Variants in PAPPA observed in about 807,000 individuals in gnomAD.
The protein encoded by PAPPA is pappalysin-1.
PAPPA carries 60 observed loss-of-function variants against 164.0 expected under a neutral mutation model. The observed-to-expected ratio is 0.37, with a 90% confidence interval of 0.30 to 0.45. The LOEUF is 0.45. PAPPA is among the 20% of genes least tolerant of loss of function. The probability of loss-of-function intolerance (pLI) is 1.00; values close to 1 mark genes in which losing one functional copy is unlikely to be tolerated. For missense variants in PAPPA, 1,782 were observed against 2,087.3 expected (o/e 0.85, Z 2.85); for synonymous variants, 875 against 814.1 (o/e 1.07, Z -1.27).
chr9:116,276,978 G>A (rs1202471563), intron 9 of PAPPA, among the ~76,000 whole-genome samples: 2 of 152,092 alleles, frequency 1.3e-5, no homozygotes, highest in Non-Finnish European at 2.9e-5. Context: ...GCCAAGGCGA[G>A]AAAGGAAAAC....
At chr9:116,251,169 C>T (rs1046954529) in intron 7 of PAPPA, among the ~76,000 whole-genome samples, 8 of 152,246 alleles carry the variant, frequency 5.3e-5, no homozygotes, top group Admixed American at 1.3e-4. Context: ...CAGAAGACTT[C>T]GTGGACATCA....
chr9:116,339,021 C>T (rs1041694638), intron 13 of PAPPA, among the ~76,000 whole-genome samples: 21 of 152,246 alleles, frequency 1.4e-4, no homozygotes, highest in African/African-American at 3.8e-4. Flanking sequence ...ACAAGTGACT[C>T]GCCTAAAATC....
rs1844528569 is a variant in PAPPA, at chr9:116,227,493, ACG to A, written c.2176_2177del (p.Ala726PhefsTer16). On this transcript the variant is annotated frameshift_variant, in exon 6 of 22. Transcript: ENST00000328252. LOFTEE classifies it high-confidence loss of function. ...AGAATCCTGGTGCAGTATGCTTCCAACGCTTCCTCCCCAATGCCCTGCAGCCC... is the reference window on the plus strand; with the variant it reads ...AGAATCCTGGTGCAGTATGCTTCCAACTTCCTCCCCAATGCCCTGCAGCCC... 6.2e-7 allele frequency: 1 copy of A among 1,613,968 alleles called. No homozygotes were observed. The highest frequency in any genetic ancestry group is 1.3e-5 in the African/African-American group (1 of 74,918).
At chr9:116,269,510 G>T (rs1845113502) in intron 8 of PAPPA, among the ~76,000 whole-genome samples, 1 of 152,170 alleles carries the variant, frequency 6.6e-6, no homozygotes, top group Admixed American at 6.5e-5. Flanking sequence ...ACAGGCAAAG[G>T]CAGTCAGTTT....
At chr9:116,234,738 C>G (rs1351910098) in intron 6 of PAPPA, among the ~76,000 whole-genome samples, 2 of 152,214 alleles carry the variant, frequency 1.3e-5, no homozygotes, top group South Asian at 2.1e-4. Flanking sequence ...TATTTGGGAG[C>G]CTTAGTTTTA....
At chr9:116,254,803 GAGAGAA>G (rs1256659254) in intron 7 of PAPPA, among the ~76,000 whole-genome samples, 6 of 137,488 alleles carry the variant, frequency 4.4e-5, no homozygotes, top group Admixed American at 1.4e-4. Flanking sequence ...AAAAAAAAAA[GAGAGAA>G]AGAAAGACAC....
chr9:116,390,923 A>G (rs1215272928), intron 21 of PAPPA, among the ~76,000 whole-genome samples: 1 of 152,178 alleles, frequency 6.6e-6, no homozygotes, highest in Non-Finnish European at 1.5e-5. Context: ...TATGCCATGC[A>G]TTATTCTAAT....
chr9:116,250,052 T>TGTGTGTGTGTGTGTG, intron 7 of PAPPA, among the ~76,000 whole-genome samples: 1 of 145,248 alleles, frequency 6.9e-6, no homozygotes, highest in African/African-American at 2.5e-5. Context: ...TGTGTGTGTG[T>TGTGTGTGTGTGTGTG]TTGGAGCAGG....
At chr9:116,158,678 C>T (rs893232960) in intron 1 of PAPPA, among the ~76,000 whole-genome samples, 1 of 152,214 alleles carries the variant, frequency 6.6e-6, no homozygotes, top group African/African-American at 2.4e-5. Context: ...TCAGTCTTGG[C>T]TTTCTGGACT....
At chr9:116,171,273 T>C (rs113914616) in intron 1 of PAPPA, among the ~76,000 whole-genome samples, 22 of 152,210 alleles carry the variant, frequency 1.4e-4, no homozygotes, top group Admixed American at 3.9e-4. Flanking sequence ...GCCTTCACAT[T>C]CTGTGTATGC....
At chr9:116,177,450 T>C (rs1402757903) in intron 1 of PAPPA, among the ~76,000 whole-genome samples, 1 of 152,184 alleles carries the variant, frequency 6.6e-6, no homozygotes, top group Non-Finnish European at 1.5e-5. Context: ...GGCCTGGAAA[T>C]ATGAGTGGTC....
intron 19 of PAPPA, among the ~76,000 whole-genome samples, chr9:116,368,485 G>A (rs932901279): frequency 3.3e-5 from 5 of 152,174 alleles, no homozygotes; most frequent in African/African-American, 7.2e-5. Flanking sequence ...AGGCCGGTGT[G>A]CCCCCAGCCA....
At chr9:116,307,692 G>A (rs1236084662) in intron 10 of PAPPA, among the ~76,000 whole-genome samples, 3 of 152,106 alleles carry the variant, frequency 2.0e-5, no homozygotes, top group African/African-American at 7.2e-5. Context: ...TGATTGAACA[G>A]AAATATATTT....
chr9:116,240,297 G>A (rs1413735510), intron 7 of PAPPA, among the ~76,000 whole-genome samples: 1 of 152,172 alleles, frequency 6.6e-6, no homozygotes, highest in Non-Finnish European at 1.5e-5. Context: ...GAGAGGGACA[G>A]GCAAGCAGTG....
chr9:116,277,858 G>T (rs111869831), intron 9 of PAPPA, among the ~76,000 whole-genome samples: 2,338 of 152,192 alleles, frequency 0.015, 56 homozygotes, highest in African/African-American at 0.054. Context: ...TGTAGAGACA[G>T]AGTTTCACCA....
At chr9:116,210,547 C>T (rs1055084065) in intron 3 of PAPPA, among the ~76,000 whole-genome samples, 2 of 152,152 alleles carry the variant, frequency 1.3e-5, no homozygotes, top group African/African-American at 4.8e-5. Flanking sequence ...TTCCCTTAAA[C>T]ATTTTAAAAT....
chr9:116,348,757 G>T lies in PAPPA; in HGVS notation c.3964+1548G>T, dbSNP rs570626502. Among the ~76,000 whole-genome samples the T allele has an allele frequency of 2.2e-4, 33 of 152,100 alleles. No homozygotes were observed. In the East Asian group the frequency reaches 5.6e-3, roughly 26 times the overall value. ...TTATAAGTGAGAAGATGCAGTATTT[G>T]TTTTTTTGTTCCTGCATTAGTTTGC... On this transcript the variant is annotated intron_variant, in intron 15 of 21. Transcript: ENST00000328252.
At chr9:116,237,519 G>A (rs1452184990) in intron 7 of PAPPA, among the ~76,000 whole-genome samples, 2 of 152,122 alleles carry the variant, frequency 1.3e-5, no homozygotes, top group Non-Finnish European at 2.9e-5. Flanking sequence ...GCTGCCATGG[G>A]TTGATAAGTT....
rs1845833238 is a variant in PAPPA at position 116,319,930 on chromosome 9, A to C, written c.3148-11314A>C. The stretch of plus-strand genomic sequence containing the variant: ...CATGTTAGCTTTACCACTTTCATGA[A>C]TGGTGTCTTAGGCCTCTAACATAAG... On this transcript the variant is annotated intron_variant, in intron 10 of 21. Transcript: ENST00000328252. Among the ~76,000 whole-genome samples, 16 of 152,318 alleles carry C rather than the reference A, an allele frequency of 1.1e-4. No individual in the cohort carries two copies. In the South Asian group the frequency reaches 3.1e-3, roughly 30 times the overall value.
Sources: allele counts gnomAD v4.1 joint callset (sites outside exome capture counted in the v4.1 genomes callset), GRCh38; gene constraint gnomAD v4.1.1; transcripts MANE v1.5; gene names NCBI Gene and HGNC (gene_info 2026-07-23, HGNC 2026-07-21).